DLGAP1: variants seen among roughly 807,000 people sequenced by gnomAD.
The protein encoded by DLGAP1 is DLG associated protein 1.
In DLGAP1, 11 loss-of-function variants were observed where a neutral mutation model predicts 90.8. The observed-to-expected ratio is 0.12, with a 90% confidence interval of 0.08 to 0.20. The LOEUF is 0.20. Ranked by LOEUF, DLGAP1 falls within the 10% of genes least tolerant of loss-of-function variation. The pLI is 1.00. For missense variants in DLGAP1, 1,050 were observed against 1,333.8 expected, an observed-to-expected ratio of 0.79 and a Z score of 3.31; for synonymous variants, 558 against 540.7, an observed-to-expected ratio of 1.03 and a Z score of -0.44.
chr18:3,801,455 ATC>A (rs1192622293), intron 5 of DLGAP1, among the ~76,000 whole-genome samples: 1 of 152,002 alleles, frequency 6.6e-6, no homozygotes, highest in Non-Finnish European at 1.5e-5. Flanking sequence ...GTCTCTCTCT[ATC>A]TCATCTAGAG....
chr18:3,685,607 C>T (rs2060676342), intron 7 of DLGAP1, among the ~76,000 whole-genome samples: 2 of 137,708 alleles, frequency 1.5e-5, no homozygotes. Context: ...AGACGGTACC[C>T]TTTAATTATT....
At chr18:4,069,851 ATCTGTGAC>A (rs1197786188) in intron 2 of DLGAP1, among the ~76,000 whole-genome samples, 1 of 152,210 alleles carries the variant, frequency 6.6e-6, no homozygotes, top group Non-Finnish European at 1.5e-5. Context: ...AGGTGCCCTA[ATCTGTGAC>A]TATGTTAGCA....
At chr18:3,978,408 T>C in intron 3 of DLGAP1, 2 of 314,908 alleles carry the variant, frequency 6.4e-6, no homozygotes, top group South Asian at 6.5e-5. Context: ...CAGTTTCCAT[T>C]GATGACAAGC....
chr18:4,379,836 G>A (rs1351459264), intron 1 of DLGAP1, among the ~76,000 whole-genome samples: 1 of 152,074 alleles, frequency 6.6e-6, no homozygotes, highest in Admixed American at 6.6e-5. Flanking sequence ...TCTAATATAA[G>A]GCATTGAGAT....
chr18:4,376,948 G>A (rs1013368066), intron 1 of DLGAP1, among the ~76,000 whole-genome samples: 2 of 152,094 alleles, frequency 1.3e-5, no homozygotes, highest in Non-Finnish European at 2.9e-5. Flanking sequence ...TAAAGATTAG[G>A]TGATCTGGTG....
At chr18:3,895,674 C>T (rs1406794387) in intron 3 of DLGAP1, 3 of 152,234 alleles carry the variant, frequency 2.0e-5, no homozygotes, top group Non-Finnish European at 4.4e-5. Context: ...TTGTTGGTGC[C>T]AGCACCGTAC....
rs531747600 is a variant in DLGAP1, at chr18:4,083,400, T to C, written c.-159+67780A>G. Among the ~76,000 whole-genome samples the C allele has an allele frequency of 2.6e-5, 4 of 152,326 alleles. No individual in the cohort carries two copies. In the East Asian group the frequency reaches 7.7e-4, roughly 29 times the overall value. On this transcript the variant is annotated intron_variant, in intron 2 of 12. Transcript: ENST00000315677. ...TATTATAAAAGTAATGAATGTTTCC[T>C]GCAGAAAATATGAAAAAAATTACAT...
intron 4 of DLGAP1, among the ~76,000 whole-genome samples, chr18:3,856,367 T>C (rs1204722400): frequency 3.9e-5 from 6 of 152,118 alleles, no homozygotes; most frequent in African/African-American, 1.4e-4. Flanking sequence ...CCAGTCAAAA[T>C]AAGGTTGAAT....
intron 10 of DLGAP1, among the ~76,000 whole-genome samples, chr18:3,532,662 A>G (rs1292647442): frequency 6.6e-6 from 1 of 152,226 alleles, no homozygotes; most frequent in Non-Finnish European, 1.5e-5. Flanking sequence ...AAGTTACTTC[A>G]TAGCAATACT....
At chr18:3,781,126 C>T (rs562529140) in intron 5 of DLGAP1, among the ~76,000 whole-genome samples, 2 of 151,946 alleles carry the variant, frequency 1.3e-5, no homozygotes, top group African/African-American at 4.8e-5. Context: ...CTCTGCCTGG[C>T]CCAATGTTTA....
rs1161144216 is a variant in DLGAP1, at chr18:3,814,121, A to G, written c.1110T>C (p.Ala370=). 7.4e-6 allele frequency: 12 copies of G among 1,614,068 alleles called. No individual in the cohort carries two copies. Among genetic ancestry groups the G allele is most frequent in the African/African-American group, 1.3e-5 (1 of 75,018 alleles). The change falls in exon 5 of 13, where the codon GCT becomes GCC. Residue 370 remains alanine (A), a synonymous_variant. Coordinates refer to ENST00000315677, the MANE Select transcript of DLGAP1 (RefSeq NM_004746.4). ...DTSPKPSPKV[A]ARRESYLKAT... is the part of the protein sequence containing the mutation. ...CCTTGAGATAGCTTTCTCTCCGCGC[A>G]GCAACTTTTGGAGAAGGCTTAGGAC...
chr18:3,588,667 C>T (rs574671414), intron 7 of DLGAP1, among the ~76,000 whole-genome samples: 1 of 150,890 alleles, frequency 6.6e-6, no homozygotes, highest in South Asian at 2.1e-4. Flanking sequence ...GTATTCCCAG[C>T]TACTCAGGAG....
intron 1 of DLGAP1, among the ~76,000 whole-genome samples, chr18:4,425,718 C>A (rs2083136839): frequency 6.6e-6 from 1 of 152,118 alleles, no homozygotes; most frequent in Admixed American, 6.5e-5. Context: ...ATGGCCAGCA[C>A]CTTCATGGAA....
At chr18:4,122,446 G>T (rs1051126168) in intron 2 of DLGAP1, among the ~76,000 whole-genome samples, 4 of 152,164 alleles carry the variant, frequency 2.6e-5, no homozygotes, top group Admixed American at 2.0e-4. Context: ...TTATTTTGAG[G>T]GGGTGATGCG....
chr18:3,617,470 GGCGCCTGTAATCCCA>G (rs1332862922), intron 7 of DLGAP1, among the ~76,000 whole-genome samples: 3 of 151,694 alleles, frequency 2.0e-5, no homozygotes, highest in African/African-American at 7.3e-5. Context: ...CGTGGTGGTG[GGCGCCTGTAATCCCA>G]GCTACTTGGG....
At chr18:3,898,792 C>A (rs3850809) in intron 3 of DLGAP1, among the ~76,000 whole-genome samples, 30,300 of 152,060 alleles carry the variant, frequency 0.2, 3,760 homozygotes, top group Admixed American at 0.32. Flanking sequence ...AGTTATTCAT[C>A]TATTATTATT....
intron 10 of DLGAP1, among the ~76,000 whole-genome samples, chr18:3,529,039 A>C (rs958994194): frequency 6.6e-6 from 1 of 152,220 alleles, no homozygotes; most frequent in African/African-American, 2.4e-5. Context: ...AGAAGAGCTC[A>C]TCATCTGTCA....
At chr18:4,360,994 T>C (rs976053083) in intron 1 of DLGAP1, among the ~76,000 whole-genome samples, 1 of 152,048 alleles carries the variant, frequency 6.6e-6, no homozygotes, top group African/African-American at 2.4e-5. Context: ...CTATTAGTTA[T>C]GAAAAGAGTC....
chr18:4,166,826 A>T (rs909034866), intron 1 of DLGAP1, among the ~76,000 whole-genome samples: 1 of 152,256 alleles, frequency 6.6e-6, no homozygotes, highest in Non-Finnish European at 1.5e-5. Flanking sequence ...GGTTCCTAAA[A>T]TAGGCAAATT....
Sources: allele counts gnomAD v4.1 joint callset (sites outside exome capture counted in the v4.1 genomes callset), GRCh38; gene constraint gnomAD v4.1.1; transcripts MANE v1.5; gene names NCBI Gene and HGNC (gene_info 2026-07-23, HGNC 2026-07-21).